The following ITSN1 variants were observed in gnomAD, a reference collection of about 807,000 sequenced individuals.
ITSN1 encodes the protein intersectin 1.
Under a neutral mutation model 239.8 loss-of-function variants are expected in ITSN1, and 58 were observed. That is an observed-to-expected ratio of 0.24 (90% CI 0.20 to 0.30). The LOEUF (loss-of-function observed/expected upper bound fraction) is 0.30. ITSN1 is among the 10% of genes least tolerant of loss of function. The pLI, the probability that ITSN1 is intolerant of heterozygous loss-of-function variation, is 1.00. For synonymous variants in ITSN1, 780 were observed against 770.8 expected, an observed-to-expected ratio of 1.01 and a Z score of -0.20; for missense variants, 1,558 against 2,103.3, an observed-to-expected ratio of 0.74 and a Z score of 5.07.
intron 1 of ITSN1, among the ~76,000 whole-genome samples, chr21:33,660,082 C>T (rs991091230): frequency 6.6e-6 from 1 of 152,064 alleles, no homozygotes; most frequent in African/African-American, 2.4e-5. Context: ...TTGAATTCAC[C>T]CTTTCTAGCC....
At chr21:33,668,543 C>A (rs1601534287) in intron 1 of ITSN1, among the ~76,000 whole-genome samples, 1 of 152,308 alleles carries the variant, frequency 6.6e-6, no homozygotes, top group South Asian at 2.1e-4. Context: ...GGGTCCACGA[C>A]CTTTGCTGGG....
At chr21:33,693,669 G>C (rs557689612) in intron 1 of ITSN1, among the ~76,000 whole-genome samples, 33 of 152,202 alleles carry the variant, frequency 2.2e-4, no homozygotes, top group African/African-American at 6.7e-4. Flanking sequence ...TTCTTGCTAT[G>C]TTTTAGCCTG....
chr21:33,853,801 T>A (rs939486692), intron 29 of ITSN1, among the ~76,000 whole-genome samples: 11 of 152,116 alleles, frequency 7.2e-5, no homozygotes, highest in Non-Finnish European at 1.5e-4. Flanking sequence ...AAGAACACAC[T>A]CTCAGCCCTG....
At chr21:33,838,470 A>T in intron 29 of ITSN1, 6 of 981,502 alleles carry the variant, frequency 6.1e-6, no homozygotes, top group Non-Finnish European at 6.1e-6. Flanking sequence ...TTCCGTGTAT[A>T]GATAATTAAA....
intron 16 of ITSN1, among the ~76,000 whole-genome samples, chr21:33,787,187 T>C (rs1214771547): frequency 6.6e-6 from 1 of 152,232 alleles, no homozygotes; most frequent in Non-Finnish European, 1.5e-5. Flanking sequence ...TAGTCTTGTC[T>C]TTTTAACAAG....
chr21:33,777,342 A>G (rs1187553118), intron 14 of ITSN1, among the ~76,000 whole-genome samples: 1 of 150,262 alleles, frequency 6.7e-6, no homozygotes, highest in African/African-American at 2.4e-5. Flanking sequence ...CTTTACCAGT[A>G]CCTCACCCTG....
At chr21:33,647,662 A>G (rs1373394842) in intron 1 of ITSN1, among the ~76,000 whole-genome samples, 2 of 151,906 alleles carry the variant, frequency 1.3e-5, no homozygotes, top group African/African-American at 4.8e-5. Context: ...TGCCTGGCTA[A>G]TGTTTGTATT....
At chr21:33,856,641 C>G (rs2148476914) in intron 29 of ITSN1, 95 bp from the exon 30 acceptor site, 1 of 1,570,186 alleles carries the variant, frequency 6.4e-7, no homozygotes, top group African/African-American at 1.3e-5. Context: ...CTGGAGCAAG[C>G]CCTCAGGACC....
intron 1 of ITSN1, among the ~76,000 whole-genome samples, chr21:33,702,924 A>G (rs2092086477): frequency 6.6e-6 from 1 of 152,166 alleles, no homozygotes; most frequent in East Asian, 1.9e-4. Flanking sequence ...CCAAAGTACA[A>G]AAATTAGCCG....
At position 33,896,331 on chromosome 21, in the gene ITSN1, C is replaced by A. The variant is rs1986780829; in HGVS notation, c.*8031C>A. The A allele has an allele frequency of 6.6e-6, 1 of 152,340 alleles. No homozygotes were observed. The highest frequency in any genetic ancestry group is 6.5e-5 in the Admixed American group (1 of 15,292). The allele number at this position is 152,340 out of a possible 1,614,324, so 9.4% of individuals were successfully genotyped here. A position where few individuals can be genotyped will look rare whatever the true frequency, so the allele number is the denominator to read the frequency against. ...TTGGAAATAAAACCCTTCCTCTGGG[C>A]CTTGGGCATCCACTGGGAGCTTTTC... On this transcript the variant is annotated 3_prime_UTR_variant, in exon 40 of 40. Transcript: ENST00000381318.
chr21:33,715,240 C>G (rs2065066534), intron 1 of ITSN1, among the ~76,000 whole-genome samples: 1 of 134,282 alleles, frequency 7.4e-6, no homozygotes. Context: ...AGGCTAAATT[C>G]TTTATTTCCA....
At chr21:33,643,959 A>G (rs893392262) in intron 1 of ITSN1, 5 of 152,404 alleles carry the variant, frequency 3.3e-5, no homozygotes, top group Middle Eastern at 3.4e-3. Context: ...CTCATGGATT[A>G]TGTAGTGGAC....
chr21:33,841,335 A>G (rs1269377027), intron 29 of ITSN1, among the ~76,000 whole-genome samples: 2 of 152,192 alleles, frequency 1.3e-5, no homozygotes, highest in Non-Finnish European at 2.9e-5. Context: ...AAAAACAGCA[A>G]TCTATAATTC....
intron 4 of ITSN1, among the ~76,000 whole-genome samples, chr21:33,729,430 A>G (rs1212274935): frequency 6.6e-6 from 1 of 152,082 alleles, no homozygotes; most frequent in East Asian, 1.9e-4. Flanking sequence ...CCTGGGCAAC[A>G]GAGTGAGACC....
intron 20 of ITSN1, 72 bp downstream of exon 20, chr21:33,802,516 T>G: frequency 2.1e-6 from 3 of 1,457,700 alleles, no homozygotes; most frequent in Non-Finnish European, 2.9e-6. Context: ...ACTTGAATTC[T>G]GTGTAAGTAC....
chr21:33,776,612 T>C (rs948467394), intron 14 of ITSN1, among the ~76,000 whole-genome samples: 3 of 151,984 alleles, frequency 2.0e-5, no homozygotes, highest in Non-Finnish European at 2.9e-5. Flanking sequence ...TGCAAAGAGT[T>C]TGTACCATTT....
chr21:33,742,020 G>A (rs1000137830), intron 5 of ITSN1, among the ~76,000 whole-genome samples: 33 of 151,234 alleles, frequency 2.2e-4, no homozygotes, highest in African/African-American at 8.0e-4. Context: ...CTGTTACCCA[G>A]TGATGACCAC....
chr21:33,839,927 G>A (rs1302257622), intron 29 of ITSN1, among the ~76,000 whole-genome samples: 1 of 152,122 alleles, frequency 6.6e-6, no homozygotes, highest in Non-Finnish European at 1.5e-5. Flanking sequence ...ACAGTCCCCC[G>A]CAACAAAGAA....
rs1986288805 is a variant in ITSN1, at chr21:33,890,522, A to G, written c.*2222A>G. On this transcript the variant is annotated 3_prime_UTR_variant, in exon 40 of 40. Transcript: ENST00000381318. ...AGTGACTCTGTTGAGCATCCTTGAG[A>G]TGCTCCTGCCATGTAGCAAGTTCTG... 6.6e-6 allele frequency: 1 copy of G among 152,158 alleles called. No homozygotes were observed. The highest frequency in any genetic ancestry group is 1.5e-5 in the Non-Finnish European group (1 of 68,018). 9.4% of individuals were successfully genotyped at this position (152,158 alleles called of 1,614,324 possible).
Sources: gnomAD v4.1 joint callset for allele counts (sites outside exome capture counted in the v4.1 genomes callset) on GRCh38, gnomAD v4.1.1 for gene constraint, MANE v1.5 for transcripts, NCBI Gene and HGNC (gene_info 2026-07-23, HGNC 2026-07-21) for gene names.